The following KDR variants were observed in gnomAD, a reference collection of about 807,000 sequenced individuals.
KDR encodes the protein vascular endothelial growth factor receptor 2.
KDR carries 43 observed loss-of-function variants against 160.9 expected under a neutral mutation model. The ratio of observed to expected loss-of-function variants is 0.27; its 90% CI spans 0.21 to 0.34. The LOEUF (loss-of-function observed/expected upper bound fraction) is 0.34, where lower values mean the gene tolerates loss of function less well. Ranked by LOEUF, KDR falls within the 10% of genes least tolerant of loss-of-function variation. KDR has a pLI of 1.00. For synonymous variants in KDR, 617 were observed against 600.1 expected (o/e 1.03, Z -0.41); for missense variants, 1,469 against 1,666.4 (o/e 0.88, Z 2.06).
chr4:55,108,450 T>C (rs962400251), intron 9 of KDR, among the ~76,000 whole-genome samples: 3 of 152,150 alleles, frequency 2.0e-5, no homozygotes, highest in Non-Finnish European at 2.9e-5. Flanking sequence ...TTTGCATGAA[T>C]TCATTCACTT....
At chr4:55,098,632 C>A (rs1720222403) in intron 16 of KDR, 65 bp downstream of exon 16, 10 of 1,209,440 alleles carry the variant, frequency 8.3e-6, no homozygotes, top group Non-Finnish European at 1.2e-5. Context: ...CTCAAAGAAC[C>A]CCAGTCAGTT....
At chr4:55,125,073 G>A (rs530640034) in intron 1 of KDR, among the ~76,000 whole-genome samples, 154 bp downstream of exon 1, 5 of 152,322 alleles carry the variant, frequency 3.3e-5, no homozygotes, top group Non-Finnish European at 7.3e-5. Flanking sequence ...GCCAGTCTCT[G>A]AGCCTCAGTT....
At chr4:55,116,346 G>A (rs1398413976) in intron 3 of KDR, among the ~76,000 whole-genome samples, 2 of 151,570 alleles carry the variant, frequency 1.3e-5, no homozygotes, top group African/African-American at 2.4e-5. Flanking sequence ...TGAACCGGGG[G>A]GCAGAAGTTG....
At position 55,078,600 on chromosome 4, in the gene KDR, G is replaced by C. The variant is rs1484446871; in HGVS notation, c.*1341C>G. ...TAGTACAAAGTTCATTATATATAAG[G>C]CTTTAATATATTACATTTGTTTCTA... On this transcript the variant is annotated 3_prime_UTR_variant, in exon 30 of 30. Transcript: ENST00000263923. 1 of 232,100 alleles carries C rather than the reference G, an allele frequency of 4.3e-6. No individual in the cohort carries two copies. Among genetic ancestry groups the C allele is most frequent in the Non-Finnish European group, 8.5e-6 (1 of 117,560 alleles). The allele number at this position is 232,100 out of a possible 1,614,324, so 14.4% of individuals were successfully genotyped here. A position where few individuals can be genotyped will look rare whatever the true frequency, so the allele number is the denominator to read the frequency against.
In KDR at chr4:55,125,310, G is replaced by A. The variant is rs1721003933; in HGVS notation, c.-17C>T. 6.2e-7 allele frequency: 1 copy of A among 1,607,650 alleles called. No individual in the cohort carries two copies. Among genetic ancestry groups the A allele is most frequent in the Non-Finnish European group, 8.5e-7 (1 of 1,177,646 alleles). On this transcript the variant is annotated 5_prime_UTR_variant, in exon 1 of 30. Coordinates refer to ENST00000263923, the MANE Select transcript of KDR (RefSeq NM_002253.4). ...GCTCTGCATCCTGCACCTCGAGCCG[G>A]GCGAAATGCCCAGAACTCGGGAGCC...
At position 55,125,508 on chromosome 4, in the gene KDR, T is replaced by A; in HGVS notation, c.-215A>T. 1 of 614,750 alleles carries A rather than the reference T, an allele frequency of 1.6e-6. No individual in the cohort carries two copies. The highest frequency in any genetic ancestry group is 2.9e-6 in the Non-Finnish European group (1 of 348,240). 38.1% of individuals were successfully genotyped at this position (614,750 alleles called of 1,614,324 possible). ...GGATATCCAGGCTGCCAGACGGACTTTCTGCGGCGCGCAAGTGATGCCCGG... is the reference window on the plus strand; with the variant it reads ...GGATATCCAGGCTGCCAGACGGACTATCTGCGGCGCGCAAGTGATGCCCGG... On this transcript the variant is annotated 5_prime_UTR_variant, in exon 1 of 30. Coordinates refer to ENST00000263923, the MANE Select transcript of KDR (RefSeq NM_002253.4).
chr4:55,082,183 T>C (rs1306026810), intron 28 of KDR, 142 bp from the exon 29 acceptor site: 18 of 732,480 alleles, frequency 2.5e-5, no homozygotes, highest in South Asian at 4.5e-5. Context: ...TAGCCACAAA[T>C]TGTCCAAGCT....
chr4:55,119,744 G>A (rs1560524912), intron 2 of KDR, among the ~76,000 whole-genome samples: 1 of 152,038 alleles, frequency 6.6e-6, no homozygotes, highest in African/African-American at 2.4e-5. Context: ...GGAAGGAGGT[G>A]CAAGTAAGAG....
At chr4:55,102,057 A>G (rs527635183) in intron 14 of KDR, 29 bp from the exon 15 acceptor site, 1 of 1,613,244 alleles carries the variant, frequency 6.2e-7, no homozygotes, top group African/African-American at 1.3e-5. Flanking sequence ...GATCATTCTC[A>G]TTTATGATGA....
In KDR at chr4:55,098,262, C is replaced by G. The variant is rs747827262; in HGVS notation, c.2384G>C (p.Gly795Ala). The stretch of plus-strand genomic sequence containing the variant: ...GGACAAGTAGCCTGTCTTCAGTTCC[C>G]CTCCATTGGCCTGGAAAGCATCAAT... ...ILRTVKRANG[G>A]ELKTGYLSIV... The change falls in exon 17 of 30, where the codon GGG becomes GCG. Residue 795 changes from glycine (G) to alanine (A), a missense_variant. Physicochemically the swap from Gly to Ala is moderately conservative, Grantham distance 60. Around this residue, in one of 7 missense-constraint regions of KDR, gnomAD observed 118 missense variants for 110.8 expected, o/e 1.06. Coordinates refer to ENST00000263923, the MANE Select transcript of KDR (RefSeq NM_002253.4). 2 of 1,613,640 alleles carry G rather than the reference C, an allele frequency of 1.2e-6. No homozygotes were observed. Among genetic ancestry groups the G allele is most frequent in the African/African-American group, 2.7e-5 (2 of 74,888 alleles).
intron 18 of KDR, among the ~76,000 whole-genome samples, chr4:55,097,108 A>G (rs570994738): frequency 2.8e-4 from 42 of 152,354 alleles, no homozygotes; most frequent in African/African-American, 1.0e-3. Flanking sequence ...GAAAATGGCC[A>G]GACCAGAATT....
At chr4:55,083,051 A>G (rs901828225) in intron 27 of KDR, among the ~76,000 whole-genome samples, 1 of 152,146 alleles carries the variant, frequency 6.6e-6, no homozygotes, top group African/African-American at 2.4e-5. Flanking sequence ...ATGCTCACAG[A>G]GCAACCATTC....
chr4:55,121,170 C>A lies in KDR; in HGVS notation c.88G>T (p.Asp30Tyr), dbSNP rs1195910028. The change falls in exon 2 of 30, where the codon GAT (aspartate) becomes TAT (tyrosine). Residue 30 changes from aspartate to tyrosine, a missense_variant. Physicochemically the swap from Asp to Tyr is radical, Grantham distance 160 (BLOSUM62 -3). This residue lies in a region of KDR where 792 missense variants were observed against 840.9 expected (regional missense o/e 0.94). Coordinates refer to ENST00000263923, the MANE Select transcript of KDR (RefSeq NM_002253.4). Reference protein sequence around the residue: ...ASVGLPSVSLDLPRLSIQKDI... With the variant: ...ASVGLPSVSLYLPRLSIQKDI... ...TTTTGTATGCTGAGCCTGGGCAGAT[C>A]AAGAGAAACACTAGGCAAACCTAGA... 1.2e-6 allele frequency: 2 copies of A among 1,613,376 alleles called. No homozygotes were observed. Among genetic ancestry groups the A allele is most frequent in the East Asian group, 4.5e-5 (2 of 44,864 alleles).
intron 18 of KDR, among the ~76,000 whole-genome samples, chr4:55,097,109 G>A (rs1376790455): frequency 6.6e-6 from 1 of 152,122 alleles, no homozygotes; most frequent in Non-Finnish European, 1.5e-5. Flanking sequence ...AAAATGGCCA[G>A]ACCAGAATTC....
At position 55,118,679 on chromosome 4, in the gene KDR, C is replaced by A; in HGVS notation, c.283G>T (p.Gly95Ter). ...CKTLTIPKVI[G>*]NDTGAYKCFY... is the part of the protein sequence containing the mutation. Reference sequence around the variant, plus strand: ...CACTTGTAGGCTCCAGTGTCATTTCCGATCACTTTTGGAATTGTGAGTGTC... The same window carrying A: ...CACTTGTAGGCTCCAGTGTCATTTCAGATCACTTTTGGAATTGTGAGTGTC... Residue 95 changes from glycine to a stop codon, truncating the protein, a stop_gained, in exon 3 of 30, where the codon GGA (glycine) becomes TGA (stop). Coordinates refer to ENST00000263923, the MANE Select transcript of KDR (RefSeq NM_002253.4). LOFTEE classifies it high-confidence loss of function. The A allele has an allele frequency of 6.2e-7, 1 of 1,614,142 alleles. No homozygotes were observed. The highest frequency in any genetic ancestry group is 8.5e-7 in the Non-Finnish European group (1 of 1,180,000).
intron 10 of KDR, 72 bp from the exon 11 acceptor site, chr4:55,106,882 A>T: frequency 7.6e-7 from 1 of 1,319,560 alleles, no homozygotes. Flanking sequence ...TAAGGAAAAG[A>T]TTCAGACTTT....
At position 55,125,469 on chromosome 4, in the gene KDR, G is replaced by A. The variant is rs1052769698; in HGVS notation, c.-176C>T. 7 of 700,810 alleles carry A rather than the reference G, an allele frequency of 1.0e-5. No individual in the cohort carries two copies. Among genetic ancestry groups the A allele is most frequent in the East Asian group, 2.7e-5 (1 of 36,926 alleles). 43.4% of individuals were successfully genotyped at this position (700,810 alleles called of 1,614,324 possible). On this transcript the variant is annotated 5_prime_UTR_variant, in exon 1 of 30. Coordinates refer to ENST00000263923, the MANE Select transcript of KDR (RefSeq NM_002253.4). ...ACCGCGGCTGCAGGGGCGTCTGCGG[G>A]TGCCGGTAGGAGAGGATATCCAGGC...
rs1578140329 is a variant in KDR at position 55,118,727 on chromosome 4, A to C, written c.235T>G (p.Cys79Gly). Residue 79 changes from cysteine to glycine, a missense_variant, in exon 3 of 30, where the codon TGC (cysteine) becomes GGC (glycine). Cys to Gly is a radical substitution (Grantham distance 159). Coordinates refer to ENST00000263923, the MANE Select transcript of KDR (RefSeq NM_002253.4). ...GSEQRVEVTE[C>G]SDGLFCKTLT... ...GTCTTACAGAAGAGGCCATCGCTGC[A>C]CTCAGTCACCTCCACCCTTTGCTCA... The C allele has an allele frequency of 6.2e-7, 1 of 1,614,098 alleles. No individual in the cohort carries two copies. The highest frequency in any genetic ancestry group is 1.7e-5 in the Admixed American group (1 of 60,014).
At chr4:55,082,712 C>T (rs1719767788) in intron 27 of KDR, 77 bp from the exon 28 acceptor site, 1 of 1,036,176 alleles carries the variant, frequency 9.7e-7, no homozygotes. Context: ...CATTATCTTT[C>T]AACCACAAAC....
Sources: allele counts gnomAD v4.1 joint callset (sites outside exome capture counted in the v4.1 genomes callset), GRCh38; gene constraint gnomAD v4.1.1; regional missense constraint gnomAD v4.1.1; transcripts MANE v1.5; gene names NCBI Gene and HGNC (gene_info 2026-07-23, HGNC 2026-07-21).